The following PTPRT variants were observed in gnomAD, a reference collection of about 807,000 sequenced individuals.
PTPRT encodes the protein protein tyrosine phosphatase receptor type T, also known as receptor-type tyrosine-protein phosphatase T.
In PTPRT, 56 loss-of-function variants were observed where a neutral mutation model predicts 176.8. That is an observed-to-expected ratio of 0.32 (90% CI 0.26 to 0.40). The LOEUF (loss-of-function observed/expected upper bound fraction) is 0.40. Among genes scored for constraint, PTPRT ranks in the 10% least tolerant of loss-of-function variants. PTPRT has a pLI of 1.00. For synonymous variants in PTPRT, 783 were observed against 739.0 expected, an observed-to-expected ratio of 1.06 and a Z score of -0.96; for missense variants, 1,540 against 1,908.2, an observed-to-expected ratio of 0.81 and a Z score of 3.60.
chr20:43,068,796 A>C (rs909808532), intron 1 of PTPRT, among the ~76,000 whole-genome samples: 1 of 152,176 alleles, frequency 6.6e-6, no homozygotes, highest in Non-Finnish European at 1.5e-5. Context: ...AGGTATAAGA[A>C]GAGGGTCAGA....
At chr20:43,073,901 T>TC (rs1477551271) in intron 1 of PTPRT, among the ~76,000 whole-genome samples, 2 of 151,974 alleles carry the variant, frequency 1.3e-5, no homozygotes, top group Non-Finnish European at 2.9e-5. Flanking sequence ...TAGGCATATG[T>TC]CACCAGGCCC....
chr20:42,050,188 C>A, the PTPRT span, among the ~76,000 whole-genome samples: 1 of 152,294 alleles, frequency 6.6e-6, no homozygotes, highest in East Asian at 1.9e-4. Context: ...GGAGGGAAAT[C>A]TCCCCTTTCG....
At chr20:43,065,157 G>T (rs747234589) in intron 1 of PTPRT, among the ~76,000 whole-genome samples, 37 of 152,288 alleles carry the variant, frequency 2.4e-4, no homozygotes, top group East Asian at 3.9e-4. Context: ...ATCAGCACAG[G>T]ATAACTGCTA....
intron 7 of PTPRT, among the ~76,000 whole-genome samples, chr20:42,536,720 T>G (rs1456268897): frequency 6.6e-6 from 1 of 152,236 alleles, no homozygotes; most frequent in Non-Finnish European, 1.5e-5. Context: ...GAAGATGAGA[T>G]GCCATTTTTG....
At chr20:43,134,280 C>T (rs1384977277) in intron 1 of PTPRT, among the ~76,000 whole-genome samples, 2 of 152,216 alleles carry the variant, frequency 1.3e-5, no homozygotes, top group Admixed American at 6.5e-5. Context: ...AAACTTTAGT[C>T]AGGCTTCTGA....
At chr20:42,449,120 T>C (rs1445758696) in intron 8 of PTPRT, among the ~76,000 whole-genome samples, 1 of 152,210 alleles carries the variant, frequency 6.6e-6, no homozygotes, top group Admixed American at 6.5e-5. Flanking sequence ...GAATCCAACA[T>C]GAACTATGTG....
chr20:42,371,061 A>G (rs1485391172), intron 9 of PTPRT, among the ~76,000 whole-genome samples: 1 of 152,206 alleles, frequency 6.6e-6, no homozygotes, highest in Non-Finnish European at 1.5e-5. Flanking sequence ...AATGTGCCAC[A>G]ATGGCTTTTA....
At chr20:42,697,287 G>A (rs150393079) in intron 6 of PTPRT, among the ~76,000 whole-genome samples, 58 of 152,316 alleles carry the variant, frequency 3.8e-4, no homozygotes, top group Non-Finnish European at 2.9e-5. Flanking sequence ...ACGGGTTACT[G>A]TTATTGAAGG....
chr20:43,023,921 T>C (rs1985809304), intron 1 of PTPRT, among the ~76,000 whole-genome samples: 1 of 152,196 alleles, frequency 6.6e-6, no homozygotes, highest in South Asian at 2.1e-4. Context: ...TTGTGTGCTT[T>C]CATTATTTAT....
chr20:42,184,594 C>CTG (rs1367087944), intron 16 of PTPRT, among the ~76,000 whole-genome samples: 1 of 141,526 alleles, frequency 7.1e-6, no homozygotes, highest in African/African-American at 2.7e-5. Context: ...TCTTCTTCTT[C>CTG]CTCTTCTTCT....
At chr20:42,300,826 G>C (rs1053506860) in intron 12 of PTPRT, among the ~76,000 whole-genome samples, 3 of 150,272 alleles carry the variant, frequency 2.0e-5, no homozygotes, top group Non-Finnish European at 4.4e-5. Flanking sequence ...GATGAAATTG[G>C]AAATCATCAT....
chr20:42,514,586 G>C (rs1336156169), intron 7 of PTPRT, among the ~76,000 whole-genome samples: 1 of 152,150 alleles, frequency 6.6e-6, no homozygotes, highest in African/African-American at 2.4e-5. Flanking sequence ...TTTTGAAGAA[G>C]AGAAATTCAA....
In PTPRT at chr20:42,898,714, G is replaced by T. The variant is rs1020943860; in HGVS notation, c.89-12782C>A. Reference sequence around the variant, plus strand: ...AAAAGAACATCATGGGGTATGGCAAGCAGATTCTGTCTTCTCACGGGCCCC... The same window carrying T: ...AAAAGAACATCATGGGGTATGGCAATCAGATTCTGTCTTCTCACGGGCCCC... On this transcript the variant is annotated intron_variant, in intron 1 of 30. Transcript: ENST00000373187. Among the ~76,000 whole-genome samples, 7 of 152,324 alleles carry T rather than the reference G, an allele frequency of 4.6e-5. No homozygotes were observed. The South Asian group carries it at 6.2e-4, about 14-fold the overall frequency.
intron 16 of PTPRT, among the ~76,000 whole-genome samples, chr20:42,186,150 A>C (rs573427849): frequency 6.6e-6 from 1 of 152,212 alleles, no homozygotes; most frequent in South Asian, 2.1e-4. Context: ...CCAGTGATCT[A>C]GATGAGGAGT....
At chr20:43,147,404 C>T (rs1186362279) in intron 1 of PTPRT, among the ~76,000 whole-genome samples, 1 of 152,162 alleles carries the variant, frequency 6.6e-6, no homozygotes, top group African/African-American at 2.4e-5. Flanking sequence ...TCATCATCAT[C>T]ATCCTACACA....
chr20:42,855,475 A>C (rs1463550773), intron 2 of PTPRT, among the ~76,000 whole-genome samples: 1 of 119,726 alleles, frequency 8.4e-6, no homozygotes, highest in Non-Finnish European at 1.6e-5. Context: ...CACTCCACCC[A>C]GGCTGGAGTG....
chr20:42,065,527 C>T, the PTPRT span, among the ~76,000 whole-genome samples: 1 of 152,244 alleles, frequency 6.6e-6, no homozygotes, highest in South Asian at 2.1e-4. Context: ...AGTAACTATA[C>T]TCCGTGTGGT....
chr20:42,404,972 T>TATATATATATATATATATATATA (rs2058944953), intron 9 of PTPRT, among the ~76,000 whole-genome samples: 1 of 77,932 alleles, frequency 1.3e-5, no homozygotes, highest in Non-Finnish European at 2.7e-5. Context: ...GGCCAATTAA[T>TATATATATATATATATATATATA]TATATATATA....
chr20:42,248,023 G>A (rs570850273), intron 14 of PTPRT, among the ~76,000 whole-genome samples: 2 of 152,286 alleles, frequency 1.3e-5, no homozygotes, highest in African/African-American at 2.4e-5. Flanking sequence ...GCATGCTTTC[G>A]TGAGAAATGC....
Sources: allele counts gnomAD v4.1 joint callset (sites outside exome capture counted in the v4.1 genomes callset), GRCh38; gene constraint gnomAD v4.1.1; transcripts MANE v1.5; gene names NCBI Gene and HGNC (gene_info 2026-07-23, HGNC 2026-07-21).